ANKS1B: variants seen among roughly 807,000 people sequenced by gnomAD.
The protein encoded by ANKS1B is ankyrin repeat and sterile alpha motif domain containing 1B, also known as ankyrin repeat and sterile alpha motif domain-containing protein 1B.
ANKS1B carries 36 observed loss-of-function variants against 148.3 expected under a neutral mutation model. The observed-to-expected ratio is 0.24, with a 90% CI of 0.19 to 0.32. The LOEUF is 0.32. Among genes scored for constraint, ANKS1B ranks in the 10% least tolerant of loss-of-function variants. The pLI is 1.00. For missense variants in ANKS1B, 1,157 were observed against 1,542.6 expected, an observed-to-expected ratio of 0.75 and a Z score of 4.19; for synonymous variants, 542 against 560.8, an observed-to-expected ratio of 0.97 and a Z score of 0.47.
At chr12:98,858,634 C>A (rs2099583848) in intron 17 of ANKS1B, among the ~76,000 whole-genome samples, 2 of 152,146 alleles carry the variant, frequency 1.3e-5, no homozygotes, top group African/African-American at 4.8e-5. Flanking sequence ...GCCACCATGC[C>A]CAGTCTCAAG....
intron 8 of ANKS1B, among the ~76,000 whole-genome samples, chr12:99,676,520 T>G (rs1405366107): frequency 6.6e-6 from 1 of 152,170 alleles, no homozygotes; most frequent in Non-Finnish European, 1.5e-5. Flanking sequence ...TCCTAAGAAT[T>G]TAACTGCAAA....
At chr12:99,563,072 G>A (rs1459842212) in intron 9 of ANKS1B, among the ~76,000 whole-genome samples, 1 of 152,254 alleles carries the variant, frequency 6.6e-6, no homozygotes, top group South Asian at 2.1e-4. Flanking sequence ...AGAGAGTTAA[G>A]CCTTGTTCTT....
At chr12:98,816,436 C>T (rs185983499) in intron 19 of ANKS1B, among the ~76,000 whole-genome samples, 26 of 152,262 alleles carry the variant, frequency 1.7e-4, no homozygotes, top group Non-Finnish European at 3.5e-4. Flanking sequence ...GCTGGGATTA[C>T]AGGTGTGCAC....
At chr12:98,782,208 G>A in intron 22 of ANKS1B, 71 bp from the exon 23 acceptor site, 1 of 1,283,900 alleles carries the variant, frequency 7.8e-7, no homozygotes. Flanking sequence ...TGAGAGAGAG[G>A]AAACCATTTC....
rs574330851 is a variant in ANKS1B at position 99,256,399 on chromosome 12, G to C, written c.1757-9535C>G. ...TTGTTGTCAGTGTTTTAATTATTTT[G>C]TTAGCTTTACAAATCAGGTGTTATT... is the stretch of plus-strand genomic sequence containing the variant. On this transcript the variant is annotated intron_variant, in intron 12 of 26. Transcript: ENST00000683438. 1.9e-4 allele frequency among the ~76,000 whole-genome samples: 29 copies of C among 151,788 alleles called. No individual in the cohort carries two copies. The South Asian group carries it at 6.0e-3, about 32-fold the overall frequency.
rs1453081482 is a variant in ANKS1B at position 99,612,951 on chromosome 12, A to G, written c.1272+42116T>C. Among the ~76,000 whole-genome samples, 3 of 152,090 alleles carry G rather than the reference A, an allele frequency of 2.0e-5. No homozygotes were observed. The East Asian group carries it at 5.8e-4, about 29-fold the overall frequency. On this transcript the variant is annotated intron_variant, in intron 9 of 26. Coordinates refer to ENST00000683438, the MANE Select transcript of ANKS1B (RefSeq NM_001352186.2). Reference sequence around the variant, plus strand: ...CAGCAAGGAAGGCCTTCAAGTAATGAGTTAGCAAGCTGTCTAGTGATAACC... The same window carrying G: ...CAGCAAGGAAGGCCTTCAAGTAATGGGTTAGCAAGCTGTCTAGTGATAACC...
intron 12 of ANKS1B, among the ~76,000 whole-genome samples, chr12:99,354,722 G>C (rs187414122): frequency 2.3e-4 from 35 of 152,084 alleles, no homozygotes; most frequent in African/African-American, 8.4e-4. Context: ...GTGGATTTAG[G>C]TTGCAAAATC....
At chr12:99,771,898 T>A (rs1374179741) in intron 8 of ANKS1B, among the ~76,000 whole-genome samples, 1 of 152,108 alleles carries the variant, frequency 6.6e-6, no homozygotes, top group African/African-American at 2.4e-5. Flanking sequence ...AATGTTCTCA[T>A]AATGGACAGT....
chr12:99,095,024 ACT>A (rs1410107417), intron 15 of ANKS1B, among the ~76,000 whole-genome samples: 1 of 78,622 alleles, frequency 1.3e-5, no homozygotes, highest in African/African-American at 5.1e-5. Context: ...AATGGGTCTC[ACT>A]GGGGGGGGGG....
chr12:98,895,676 C>A (rs750955047), intron 17 of ANKS1B, among the ~76,000 whole-genome samples: 2 of 152,148 alleles, frequency 1.3e-5, no homozygotes, highest in East Asian at 3.8e-4. Flanking sequence ...TGGAGGGTCA[C>A]GGGTGAGATT....
At chr12:99,928,150 C>G (rs954743988) in intron 1 of ANKS1B, among the ~76,000 whole-genome samples, 9 of 151,904 alleles carry the variant, frequency 5.9e-5, no homozygotes, top group African/African-American at 2.2e-4. Context: ...TAAATGTTAT[C>G]CTAAGAAACA....
At chr12:99,852,799 G>A (rs1167720156) in intron 1 of ANKS1B, among the ~76,000 whole-genome samples, 5 of 152,250 alleles carry the variant, frequency 3.3e-5, no homozygotes, top group Non-Finnish European at 7.3e-5. Context: ...TCTCAGCTGG[G>A]AGGCTTGTAG....
chr12:99,701,248 C>T (rs1295362946), intron 8 of ANKS1B, among the ~76,000 whole-genome samples: 1 of 152,104 alleles, frequency 6.6e-6, no homozygotes, highest in East Asian at 1.9e-4. Context: ...GTTGCAAAAT[C>T]CAACTCAAAC....
intron 1 of ANKS1B, among the ~76,000 whole-genome samples, chr12:99,835,964 T>TA (rs1273185562): frequency 6.6e-6 from 1 of 152,112 alleles, no homozygotes; most frequent in East Asian, 1.9e-4. Context: ...AAATAAATAA[T>TA]AAAAAAGTAT....
intron 17 of ANKS1B, among the ~76,000 whole-genome samples, chr12:98,981,484 T>C (rs530889242): frequency 6.6e-6 from 1 of 152,190 alleles, no homozygotes; most frequent in East Asian, 1.9e-4. Flanking sequence ...TACAGGCGCA[T>C]ACCACCACGC....
intron 8 of ANKS1B, among the ~76,000 whole-genome samples, chr12:99,757,384 A>G (rs970269596): frequency 6.6e-6 from 1 of 152,076 alleles, no homozygotes; most frequent in Non-Finnish European, 1.5e-5. Flanking sequence ...ACAAACCAAA[A>G]CCACAATGAG....
At chr12:98,788,891 A>G (rs898735472) in intron 22 of ANKS1B, among the ~76,000 whole-genome samples, 1 of 152,234 alleles carries the variant, frequency 6.6e-6, no homozygotes, top group Non-Finnish European at 1.5e-5. Context: ...GATTTCCAAA[A>G]ATCCTTAGTT....
At chr12:99,282,926 C>A (rs925025369) in intron 12 of ANKS1B, among the ~76,000 whole-genome samples, 6 of 151,940 alleles carry the variant, frequency 3.9e-5, no homozygotes, top group Non-Finnish European at 8.8e-5. Context: ...ACTTTGGAGT[C>A]ATCAGCATGA....
intron 14 of ANKS1B, among the ~76,000 whole-genome samples, chr12:99,240,204 A>C (rs1031039095): frequency 1.7e-4 from 26 of 152,196 alleles, no homozygotes; most frequent in African/African-American, 6.3e-4. Flanking sequence ...GCTCAAAATA[A>C]AGGGATGGAG....
Sources: allele counts gnomAD v4.1 joint callset (sites outside exome capture counted in the v4.1 genomes callset), GRCh38; gene constraint gnomAD v4.1.1; transcripts MANE v1.5; gene names NCBI Gene and HGNC (gene_info 2026-07-23, HGNC 2026-07-21).